Variants in PLCG2 observed in about 807,000 individuals in gnomAD.
PLCG2 encodes the protein phospholipase C gamma 2, also known as 1-phosphatidylinositol 4,5-bisphosphate phosphodiesterase gamma-2.
Under a neutral mutation model 175.6 loss-of-function variants are expected in PLCG2, and 69 were observed. The observed-to-expected ratio is 0.39, with a 90% CI of 0.32 to 0.48. The LOEUF (loss-of-function observed/expected upper bound fraction) is 0.48, where lower values mean the gene tolerates loss of function less well. Among genes scored for constraint, PLCG2 ranks in the 20% least tolerant of loss-of-function variants. The probability of loss-of-function intolerance (pLI) is 0.91; values close to 1 mark genes in which losing one functional copy is unlikely to be tolerated. For synonymous variants in PLCG2, 827 were observed against 624.0 expected (o/e 1.33, Z -4.85); for missense variants, 1,798 against 1,650.9 (o/e 1.09, Z -1.54).
intron 3 of PLCG2, 93 bp downstream of exon 3, chr16:81,854,680 T>C (rs1906594436): frequency 2.6e-6 from 3 of 1,133,540 alleles, no homozygotes; most frequent in Non-Finnish European, 3.9e-6. Context: ...CCCTGCCTGC[T>C]CACTGATGTG....
intron 2 of PLCG2, among the ~76,000 whole-genome samples, chr16:81,821,757 A>G (rs752910331): frequency 3.9e-5 from 6 of 152,204 alleles, no homozygotes; most frequent in Non-Finnish European, 7.3e-5. Context: ...TTGCCAAGCA[A>G]CTGGGGGCAG....
intron 2 of PLCG2, among the ~76,000 whole-genome samples, chr16:81,853,002 A>G (rs1243837388): frequency 6.6e-6 from 1 of 152,194 alleles, no homozygotes; most frequent in African/African-American, 2.4e-5. Flanking sequence ...GGCTTCCCCC[A>G]GAGCACAAAA....
At chr16:81,740,783 C>G (rs915086161) in intron 1 of PLCG2, among the ~76,000 whole-genome samples, 7 of 118,690 alleles carry the variant, frequency 5.9e-5, no homozygotes, top group Admixed American at 1.8e-4. Context: ...CAAAACACAA[C>G]CAAAGCTTCC....
intron 2 of PLCG2, among the ~76,000 whole-genome samples, chr16:81,787,851 C>A (rs58444993): frequency 6.6e-6 from 1 of 152,030 alleles, no homozygotes; most frequent in Non-Finnish European, 1.5e-5. Context: ...TGACTGGCTT[C>A]TTTGACTCAG....
chr16:81,854,574 G>C lies in PLCG2; in HGVS notation c.324G>C (p.Thr108=), dbSNP rs189282309. The change falls in exon 3 of 33, where the codon ACG becomes ACC. Residue 108 remains threonine, a synonymous_variant. Transcript: ENST00000564138. ...ILYGTQFVLS[T]LSLAADSKED... ...ATGGCACTCAGTTCGTCCTCAGCAC[G>C]CTCAGCTTGGCAGGTAGGTGCATGT... is the stretch of plus-strand genomic sequence containing the variant. The C allele has an allele frequency of 1.1e-4, 175 of 1,613,670 alleles. No homozygotes were observed. The African/African-American group carries it at 2.0e-3, about 19-fold the overall frequency.
In PLCG2 at chr16:81,961,697, TAA is replaced by T. The variant is rs1911781964; in HGVS notation, c.*3703_*3704del. ...AAAATGGCCCTGTTCATAAAATTTT[TAA>T]AAAGATCATAGTATCTATCAAATAA... On this transcript the variant is annotated 3_prime_UTR_variant, in exon 33 of 33. Transcript: ENST00000564138. 1 of 209,582 alleles carries T rather than the reference TAA, an allele frequency of 4.8e-6. No homozygotes were observed. Among genetic ancestry groups the T allele is most frequent in the African/African-American group, 2.3e-5 (1 of 43,998 alleles). The allele number at this position is 209,582 out of a possible 1,614,324, so 13.0% of individuals were successfully genotyped here.
intron 5 of PLCG2, among the ~76,000 whole-genome samples, chr16:81,863,661 T>A (rs780941399): frequency 2.6e-5 from 4 of 152,246 alleles, no homozygotes; most frequent in Non-Finnish European, 5.9e-5. Context: ...CTGTTTTCTG[T>A]AGCAGCTACA....
chr16:81,919,704 G>C, intron 20 of PLCG2, 40 bp downstream of exon 20: 1 of 1,554,396 alleles, frequency 6.4e-7, no homozygotes, highest in Non-Finnish European at 8.8e-7. Flanking sequence ...GGGATTTCTT[G>C]TCTGAGGTTG....
At chr16:81,768,636 G>C (rs983177454) in intron 2 of PLCG2, among the ~76,000 whole-genome samples, 7 of 138,128 alleles carry the variant, frequency 5.1e-5, no homozygotes, top group African/African-American at 1.9e-4. Flanking sequence ...TGCGATCTCA[G>C]CTCACTGCAA....
At chr16:81,767,175 C>T (rs1248256760) in intron 2 of PLCG2, among the ~76,000 whole-genome samples, 2 of 118,638 alleles carry the variant, frequency 1.7e-5, no homozygotes, top group African/African-American at 3.2e-5. Flanking sequence ...GACTGAGTCT[C>T]GATCTATCAC....
At chr16:81,783,787 TG>T (rs1910849923) in intron 1 of PLCG2, among the ~76,000 whole-genome samples, 1 of 152,206 alleles carries the variant, frequency 6.6e-6, no homozygotes, top group Non-Finnish European at 1.5e-5. Flanking sequence ...GAGGTCATTT[TG>T]GGTTTCTCCT....
At chr16:81,882,320 C>G (rs1908124002) in intron 8 of PLCG2, among the ~76,000 whole-genome samples, 1 of 152,132 alleles carries the variant, frequency 6.6e-6, no homozygotes, top group Non-Finnish European at 1.5e-5. Flanking sequence ...GTGTTCCCTA[C>G]CTGATACCTA....
rs915745782 is a variant in PLCG2 at position 81,802,697 on chromosome 16, A to G, written c.193+16515A>G. Reference sequence around the variant, plus strand: ...AGCAATTCTCATGCCTCAGCCTCCCAAGTAGCTGGGATTACAGGCATGCGC... The same window carrying G: ...AGCAATTCTCATGCCTCAGCCTCCCGAGTAGCTGGGATTACAGGCATGCGC... On this transcript the variant is annotated intron_variant, in intron 2 of 32. Coordinates refer to ENST00000564138, the MANE Select transcript of PLCG2 (RefSeq NM_002661.5). Among the ~76,000 whole-genome samples, 7 of 151,052 alleles carry G rather than the reference A, an allele frequency of 4.6e-5. 1 individual carries two copies. The highest frequency in any genetic ancestry group is 1.0e-4 in the Non-Finnish European group (7 of 67,684).
intron 1 of PLCG2, among the ~76,000 whole-genome samples, chr16:81,747,262 C>A (rs574289475): frequency 6.6e-6 from 1 of 152,134 alleles, no homozygotes; most frequent in Non-Finnish European, 1.5e-5. Flanking sequence ...GGACTGGGCG[C>A]GGTGGCTCAC....
At chr16:81,822,265 G>A (rs979232126) in intron 2 of PLCG2, among the ~76,000 whole-genome samples, 1 of 152,146 alleles carries the variant, frequency 6.6e-6, no homozygotes. Flanking sequence ...CAGTGGACAG[G>A]GTGTTGAAGG....
intron 31 of PLCG2, among the ~76,000 whole-genome samples, chr16:81,950,511 A>C (rs557533535): frequency 2.6e-5 from 4 of 152,240 alleles, no homozygotes; most frequent in Non-Finnish European, 5.9e-5. Flanking sequence ...CAAAGACATA[A>C]TATCAAAATA....
intron 2 of PLCG2, chr16:81,767,362 C>T (rs1910174000): frequency 6.6e-6 from 1 of 152,020 alleles, no homozygotes; most frequent in Admixed American, 6.6e-5. Context: ...CCAGGCTCTT[C>T]TCAAACTCCT....
intron 1 of PLCG2, 41 bp from the exon 2 acceptor site, chr16:81,785,902 C>T: frequency 8.1e-7 from 1 of 1,235,380 alleles, no homozygotes; most frequent in Non-Finnish European, 1.2e-6. Flanking sequence ...AAACCCCTTT[C>T]AGTACTAAAA....
chr16:81,927,015 G>C lies in PLCG2; in HGVS notation c.2418-67G>C, dbSNP rs919344139. ...AGAATTGAGCCAGCAGCCGGGTGCA[G>C]ATGAGCAGTAGTGGGTAATTCATGC... On this transcript the variant is annotated intron_variant, in intron 22 of 32. Transcript: ENST00000564138. 4.0e-6 allele frequency: 4 copies of C among 997,154 alleles called. No homozygotes were observed. In the East Asian group the frequency reaches 7.1e-5, roughly 18 times the overall value. The allele number at this position is 997,154 out of a possible 1,614,324, so 61.8% of individuals were successfully genotyped here. A position where few individuals can be genotyped will look rare whatever the true frequency, so the allele number is the denominator to read the frequency against.
Sources: gnomAD v4.1 joint callset for allele counts (sites outside exome capture counted in the v4.1 genomes callset) on GRCh38, gnomAD v4.1.1 for gene constraint, MANE v1.5 for transcripts, NCBI Gene and HGNC (gene_info 2026-07-23, HGNC 2026-07-21) for gene names.